Variants in IKBKB-DT observed in about 807,000 individuals in gnomAD.
IKBKB-DT encodes IKBKB divergent transcript, also known as IKBKB antisense RNA.
chr8:42,241,909 G>T (rs1807009437), intron 3 of IKBKB-DT, among the ~76,000 whole-genome samples: 1 of 152,098 alleles, frequency 6.6e-6, no homozygotes, highest in South Asian at 2.1e-4. Flanking sequence ...ATGAAAAAGG[G>T]TACCCATTTA....
chr8:42,234,335 C>T (rs1488236403), intron 3 of IKBKB-DT, among the ~76,000 whole-genome samples: 2 of 152,092 alleles, frequency 1.3e-5, no homozygotes, highest in Non-Finnish European at 2.9e-5. Context: ...TGACGAGCTT[C>T]CCACTGTAAC....
intron 3 of IKBKB-DT, among the ~76,000 whole-genome samples, chr8:42,259,123 T>C (rs1807247505): frequency 6.6e-6 from 1 of 152,130 alleles, no homozygotes; most frequent in African/African-American, 2.4e-5. Flanking sequence ...CCTCTCGGGT[T>C]CAAGCGATTC....
At chr8:42,250,710 T>C (rs1334929704) in intron 3 of IKBKB-DT, among the ~76,000 whole-genome samples, 1 of 152,098 alleles carries the variant, frequency 6.6e-6, no homozygotes, top group East Asian at 1.9e-4. Flanking sequence ...ACTGCCATCA[T>C]TTTCCCACTG....
intron 3 of IKBKB-DT, among the ~76,000 whole-genome samples, chr8:42,248,086 C>T (rs1347992113): frequency 6.6e-6 from 1 of 150,828 alleles, no homozygotes; most frequent in Non-Finnish European, 1.5e-5. Context: ...GAGCAAGACT[C>T]CGTCTCGGAA....
chr8:42,237,278 G>A (rs548375835), intron 3 of IKBKB-DT, among the ~76,000 whole-genome samples: 82 of 152,082 alleles, frequency 5.4e-4, no homozygotes, highest in African/African-American at 1.9e-3. Flanking sequence ...GTAGAGACTG[G>A]GTTTCATCAT....
intron 1 of IKBKB-DT, among the ~76,000 whole-genome samples, chr8:42,268,629 C>T (rs866239282): frequency 2.0e-5 from 3 of 150,842 alleles, no homozygotes; most frequent in Non-Finnish European, 2.9e-5. Flanking sequence ...TGCACTGGTG[C>T]GATCTCCACT....
chr8:42,251,482 G>C (rs1807128145), intron 3 of IKBKB-DT, among the ~76,000 whole-genome samples: 1 of 152,188 alleles, frequency 6.6e-6, no homozygotes, highest in South Asian at 2.1e-4. Flanking sequence ...GCTGTGAGCT[G>C]GAACGTGCCT....
At chr8:42,258,176 G>T (rs1434829786) in intron 3 of IKBKB-DT, among the ~76,000 whole-genome samples, 1 of 152,108 alleles carries the variant, frequency 6.6e-6, no homozygotes, top group East Asian at 1.9e-4. Flanking sequence ...GAAAGAAGAT[G>T]AAACTCTAGT....
intron 3 of IKBKB-DT, among the ~76,000 whole-genome samples, chr8:42,238,968 C>G (rs923644550): frequency 6.6e-6 from 1 of 152,170 alleles, no homozygotes; most frequent in African/African-American, 2.4e-5. Context: ...TAATTAAACT[C>G]TTTCTCTACT....
chr8:42,261,974 T>C (rs1213174052), intron 3 of IKBKB-DT, among the ~76,000 whole-genome samples: 1 of 152,216 alleles, frequency 6.6e-6, no homozygotes, highest in African/African-American at 2.4e-5. Context: ...TCATGCTACA[T>C]TTTTAGGACA....
intron 3 of IKBKB-DT, among the ~76,000 whole-genome samples, chr8:42,262,015 G>C (rs1355737581): frequency 6.6e-6 from 1 of 152,094 alleles, no homozygotes; most frequent in Non-Finnish European, 1.5e-5. Flanking sequence ...AGCAATAGCT[G>C]TCCCTGGGAG....
chr8:42,240,336 T>G (rs1228301190), intron 3 of IKBKB-DT, among the ~76,000 whole-genome samples: 2 of 151,670 alleles, frequency 1.3e-5, no homozygotes, highest in Admixed American at 6.6e-5. Flanking sequence ...AAACAGCAAG[T>G]AATTGGGGCC....
At chr8:42,235,165 T>C (rs1310702673) in intron 3 of IKBKB-DT, among the ~76,000 whole-genome samples, 1 of 151,412 alleles carries the variant, frequency 6.6e-6, no homozygotes, top group African/African-American at 2.4e-5. Flanking sequence ...TTTCTAACTC[T>C]TTTTACTGTG....
At chr8:42,239,076 G>A (rs1429022422) in intron 3 of IKBKB-DT, among the ~76,000 whole-genome samples, 2 of 152,144 alleles carry the variant, frequency 1.3e-5, no homozygotes, top group African/African-American at 4.8e-5. Flanking sequence ...ATCTGGCTGT[G>A]ATGAGGTAGC....
chr8:42,246,205 T>G (rs551459375), intron 3 of IKBKB-DT, among the ~76,000 whole-genome samples: 1 of 152,220 alleles, frequency 6.6e-6, no homozygotes, highest in African/African-American at 2.4e-5. Context: ...CCGGGCTAAT[T>G]TTTGTAGAGT....
At chr8:42,257,437 G>A (rs796569007) in intron 3 of IKBKB-DT, among the ~76,000 whole-genome samples, 15 of 151,720 alleles carry the variant, frequency 9.9e-5, no homozygotes, top group African/African-American at 3.6e-4. Context: ...GGAGGTGGAG[G>A]TTACAGTGAG....
At chr8:42,269,574 A>G (rs1179766913) in intron 1 of IKBKB-DT, among the ~76,000 whole-genome samples, 1 of 116,646 alleles carries the variant, frequency 8.6e-6, no homozygotes. Context: ...AAGGGAAGGG[A>G]AGGGGAGGGG....
At chr8:42,240,130 A>G (rs1416787781) in intron 3 of IKBKB-DT, among the ~76,000 whole-genome samples, 1 of 152,074 alleles carries the variant, frequency 6.6e-6, no homozygotes, top group Non-Finnish European at 1.5e-5. Flanking sequence ...CAGCCTCTAG[A>G]CATAAGAAAA....
chr8:42,257,803 TA>T (rs200052507), intron 3 of IKBKB-DT, among the ~76,000 whole-genome samples: 3 of 151,908 alleles, frequency 2.0e-5, no homozygotes, highest in African/African-American at 7.3e-5. Flanking sequence ...ATTTTTTTTT[TA>T]AAAGTCAAAA....
Sources: gnomAD v4.1 joint callset for allele counts (sites outside exome capture counted in the v4.1 genomes callset) on GRCh38, gnomAD v4.1.1 for gene constraint, MANE v1.5 for transcripts, NCBI Gene and HGNC (gene_info 2026-07-23, HGNC 2026-07-21) for gene names.